The following USP32 variants were observed in gnomAD, a reference collection of about 807,000 sequenced individuals.
The protein encoded by USP32 is ubiquitin specific peptidase 32.
A neutral mutation model predicts 204.8 loss-of-function variants in USP32; 59 were observed. The ratio of observed to expected loss-of-function variants is 0.29; its 90% confidence interval spans 0.23 to 0.36. USP32 has a LOEUF of 0.36. USP32 is among the 10% of genes least tolerant of loss of function. The probability of loss-of-function intolerance (pLI) is 1.00; values close to 1 mark genes in which losing one functional copy is unlikely to be tolerated. For missense variants in USP32, 1,160 were observed against 1,946.4 expected (o/e 0.60, Z 7.60); for synonymous variants, 517 against 678.4 (o/e 0.76, Z 3.70).
Position 60,306,223 on chromosome 17 carries a change from A to C in USP32, c.187-4519T>G, listed in dbSNP as rs188030243. The stretch of plus-strand genomic sequence containing the variant: ...TTCGGATTTAGAAGACGGAGTGTGA[A>C]TAGGATAGCAAGGATGCTGGCAGTC... On this transcript the variant is annotated intron_variant, in intron 2 of 33. Coordinates refer to ENST00000300896, the MANE Select transcript of USP32 (RefSeq NM_032582.4). 1.3e-3 allele frequency among the ~76,000 whole-genome samples: 204 copies of C among 152,354 alleles called. 1 individual carries two copies. The highest frequency in any genetic ancestry group is 4.5e-3 in the African/African-American group (188 of 41,588).
chr17:60,252,208 A>G (rs2086186783), intron 11 of USP32, among the ~76,000 whole-genome samples, 173 bp downstream of exon 11: 1 of 152,124 alleles, frequency 6.6e-6, no homozygotes, highest in South Asian at 2.1e-4. Flanking sequence ...TTCTTAATTA[A>G]TCTATAGTAC....
intron 9 of USP32, chr17:60,256,776 CA>C: frequency 1.7e-6 from 2 of 1,186,784 alleles, no homozygotes; most frequent in Admixed American, 3.4e-5. Flanking sequence ...ATCAAGTATA[CA>C]AAAAACTGGT....
At chr17:60,345,412 C>T (rs2088761876) in intron 2 of USP32, 69 bp downstream of exon 2, 2 of 1,580,918 alleles carry the variant, frequency 1.3e-6, no homozygotes, top group East Asian at 4.5e-5. Flanking sequence ...GAGCAGAAGG[C>T]CCCTCAGGAA....
At chr17:60,203,315 T>C (rs975198419) in intron 26 of USP32, among the ~76,000 whole-genome samples, 4 of 147,718 alleles carry the variant, frequency 2.7e-5, no homozygotes, top group African/African-American at 5.0e-5. Flanking sequence ...GCAGGAGAAT[T>C]GCTTGAACCC....
intron 2 of USP32, among the ~76,000 whole-genome samples, chr17:60,303,649 C>G (rs1051059106): frequency 6.6e-6 from 1 of 152,036 alleles, no homozygotes; most frequent in Admixed American, 6.6e-5. Flanking sequence ...ACTTCCCAAG[C>G]TGAAGGAAGA....
chr17:60,261,286 T>C (rs1469819283), intron 9 of USP32, among the ~76,000 whole-genome samples: 2 of 152,204 alleles, frequency 1.3e-5, no homozygotes, highest in African/African-American at 4.8e-5. Flanking sequence ...TGTAATAACT[T>C]CTATTAATTT....
intron 1 of USP32, among the ~76,000 whole-genome samples, chr17:60,409,218 C>T (rs189071890): frequency 2.9e-4 from 44 of 152,286 alleles, no homozygotes; most frequent in Admixed American, 9.2e-4. Context: ...CATGGTGGCA[C>T]ATGCCTGTAA....
rs184032066 is a variant in USP32 at position 60,361,158 on chromosome 17, C to T, written c.59-15550G>A. ...CAAACAAACAACAACAACAAAAACC[C>T]GGTATATATAAAGCTAAACATACCA... On this transcript the variant is annotated intron_variant, in intron 1 of 33. Transcript: ENST00000300896. 1.8e-3 allele frequency among the ~76,000 whole-genome samples: 281 copies of T among 152,082 alleles called. 3 individuals are homozygous for T. The highest frequency in any genetic ancestry group is 4.1e-4 in the Non-Finnish European group (28 of 67,966).
At chr17:60,390,245 T>C (rs568009016) in intron 1 of USP32, among the ~76,000 whole-genome samples, 18 of 152,324 alleles carry the variant, frequency 1.2e-4, no homozygotes, top group African/African-American at 4.3e-4. Flanking sequence ...GAATACAAGT[T>C]TAATTTTGGA....
intron 2 of USP32, among the ~76,000 whole-genome samples, chr17:60,310,570 G>T (rs1322784262): frequency 1.3e-5 from 2 of 151,984 alleles, no homozygotes; most frequent in Admixed American, 1.3e-4. Flanking sequence ...GTGGTGGCAC[G>T]CGCCTATAGT....
At chr17:60,227,063 AT>A (rs1301522539) in intron 12 of USP32, among the ~76,000 whole-genome samples, 26 of 144,096 alleles carry the variant, frequency 1.8e-4, no homozygotes, top group Middle Eastern at 3.4e-3. Context: ...AAAAAAAATC[AT>A]ATTTTTTTCT....
At chr17:60,273,684 T>C (rs563366469) in intron 5 of USP32, among the ~76,000 whole-genome samples, 17 of 152,156 alleles carry the variant, frequency 1.1e-4, no homozygotes, top group African/African-American at 3.6e-4. Flanking sequence ...GAGGGCTGGA[T>C]GTGATGGCTC....
At chr17:60,410,195 A>G (rs991590390) in intron 1 of USP32, among the ~76,000 whole-genome samples, 4 of 152,186 alleles carry the variant, frequency 2.6e-5, no homozygotes, top group Admixed American at 2.0e-4. Context: ...CTGATGGGCT[A>G]TCTGGTCTTG....
At chr17:60,180,921 C>T (rs1225091806) in intron 32 of USP32, among the ~76,000 whole-genome samples, 1 of 151,696 alleles carries the variant, frequency 6.6e-6, no homozygotes, top group Non-Finnish European at 1.5e-5. Context: ...CTTGCTCTAT[C>T]ACCCAGGCTG....
Position 60,178,960 on chromosome 17 carries a change from A to G in USP32, c.*295T>C. 1 of 322,740 alleles carries G rather than the reference A, an allele frequency of 3.1e-6. No homozygotes were observed. Among genetic ancestry groups the G allele is most frequent in the Non-Finnish European group, 5.7e-6 (1 of 174,290 alleles). The allele number at this position is 322,740 out of a possible 1,614,324, so 20.0% of individuals were successfully genotyped here. On this transcript the variant is annotated 3_prime_UTR_variant, in exon 34 of 34. Transcript: ENST00000300896. ...CTACATATTTGTTCATATCTGGACAAGCACAATTGAATTCTTATTTGGTCC... is the reference window on the plus strand; with the variant it reads ...CTACATATTTGTTCATATCTGGACAGGCACAATTGAATTCTTATTTGGTCC...
At chr17:60,336,193 C>A (rs2088511810) in intron 2 of USP32, among the ~76,000 whole-genome samples, 1 of 143,014 alleles carries the variant, frequency 7.0e-6, no homozygotes, top group Non-Finnish European at 1.5e-5. Context: ...GTTCACTAGT[C>A]CCATTACGCT....
intron 16 of USP32, among the ~76,000 whole-genome samples, chr17:60,218,730 A>T (rs1373298862): frequency 6.6e-6 from 1 of 152,060 alleles, no homozygotes; most frequent in Non-Finnish European, 1.5e-5. Flanking sequence ...CAGCCTCCCA[A>T]GTAGCTGAAA....
Position 60,205,809 on chromosome 17 carries a change from G to T in USP32, c.3038-151C>A, listed in dbSNP as rs1015619464. ...ATAAATAATTCTAGATTTATTGGAA[G>T]ATTTTAATTTTCCAGTTTTACTTCC... On this transcript the variant is annotated intron_variant, in intron 25 of 33. Coordinates refer to ENST00000300896, the MANE Select transcript of USP32 (RefSeq NM_032582.4). The T allele has an allele frequency of 5.3e-6, 6 of 1,136,524 alleles. No homozygotes were observed. The African/African-American group carries it at 8.0e-5, about 15-fold the overall frequency. The allele number at this position is 1,136,524 out of a possible 1,614,324, so 70.4% of individuals were successfully genotyped here. A position where few individuals can be genotyped will look rare whatever the true frequency, so the allele number is the denominator to read the frequency against.
chr17:60,343,574 G>A (rs1273927091), intron 2 of USP32, among the ~76,000 whole-genome samples: 2 of 152,126 alleles, frequency 1.3e-5, no homozygotes, highest in African/African-American at 2.4e-5. Context: ...CGAAATGAAG[G>A]CAGAAATAAA....
Sources: gnomAD v4.1 joint callset for allele counts (sites outside exome capture counted in the v4.1 genomes callset) on GRCh38, gnomAD v4.1.1 for gene constraint, MANE v1.5 for transcripts, NCBI Gene and HGNC (gene_info 2026-07-23, HGNC 2026-07-21) for gene names.